The following SLC5A10 variants were observed in gnomAD, a reference collection of about 807,000 sequenced individuals.
SLC5A10 encodes solute carrier family 5 member 10, also known as sodium/mannose cotransporter SLC5A10.
In SLC5A10, 55 loss-of-function variants were observed where a neutral mutation model predicts 68.9. The observed-to-expected ratio is 0.80, with a 90% CI of 0.64 to 1.00. SLC5A10 has a LOEUF of 1.00. Among genes scored for constraint, SLC5A10 ranks in the 50% least tolerant of loss-of-function variants. The pLI, the probability that SLC5A10 is intolerant of heterozygous loss-of-function variation, is 0.00. For missense variants in SLC5A10, 732 were observed against 819.3 expected (o/e 0.89, Z 1.30); for synonymous variants, 344 against 344.8 (o/e 1.00, Z 0.02).
Position 18,971,462 on chromosome 17 carries a change from A to C in SLC5A10, c.846+244A>C. 1 of 1,613,880 alleles carries C rather than the reference A, an allele frequency of 6.2e-7. No individual in the cohort carries two copies. The highest frequency in any genetic ancestry group is 8.5e-7 in the Non-Finnish European group (1 of 1,179,988). ...GGCCTTTAGGTGCTTCGACTGAGAC[A>C]GTTTGGAGTATGGGATTCCGAAGGG... On this transcript the variant is annotated intron_variant, in intron 8 of 14. Transcript: ENST00000395645. The surrounding 1 kb of genome is among the most constrained non-coding windows in gnomAD (Gnocchi z 5.5).
Position 18,952,276 on chromosome 17 carries a change from T to C in SLC5A10, c.71T>C (p.Ile24Thr), listed in dbSNP as rs1294218721. ...TQLSVADIIV[I>T]TVYFALNVAV... is the part of the protein sequence containing the mutation. ...CTGAGCGTGGCTGACATCATCGTCA[T>C]CACTGTGTATTTTGCTCTGAATGTG... The change falls in exon 1 of 15, where the codon ATC becomes ACC. Residue 24 changes from isoleucine (I) to threonine (T), a missense_variant. Ile to Thr is a moderately conservative substitution (Grantham distance 89, BLOSUM62 -1). Coordinates refer to ENST00000395645, the MANE Select transcript of SLC5A10 (RefSeq NM_001042450.4). 40 of 1,613,846 alleles carry C rather than the reference T, an allele frequency of 2.5e-5. No homozygotes were observed. Among genetic ancestry groups the C allele is most frequent in the Non-Finnish European group, 3.1e-5 (37 of 1,179,958 alleles).
chr17:18,987,237 G>C (rs534702360), intron 9 of SLC5A10, among the ~76,000 whole-genome samples: 14 of 152,200 alleles, frequency 9.2e-5, no homozygotes, highest in Non-Finnish European at 1.8e-4. Context: ...TCTGGAGCAG[G>C]CCTCTACCCC....
chr17:18,952,089 A>G, upstream of SLC5A10: 4 of 1,462,704 alleles, frequency 2.7e-6, no homozygotes, highest in Non-Finnish European at 3.6e-6. Flanking sequence ...CATGGGCTGG[A>G]GATGCCACTG....
At chr17:18,954,799 G>T (rs1199948048) in intron 1 of SLC5A10, among the ~76,000 whole-genome samples, 1 of 152,202 alleles carries the variant, frequency 6.6e-6, no homozygotes, top group South Asian at 2.1e-4. Context: ...TAGGCCGGGC[G>T]CAGTGGCTCA....
intron 9 of SLC5A10, among the ~76,000 whole-genome samples, chr17:18,982,472 G>A (rs2043163011): frequency 6.6e-6 from 1 of 152,248 alleles, no homozygotes; most frequent in Non-Finnish European, 1.5e-5. Flanking sequence ...GACAGCAGAT[G>A]GGTGGAGGGA....
intron 9 of SLC5A10, among the ~76,000 whole-genome samples, chr17:18,994,340 G>A (rs545155462): frequency 9.9e-5 from 15 of 152,260 alleles, no homozygotes; most frequent in Non-Finnish European, 2.1e-4. Flanking sequence ...AGGGAGGGGC[G>A]CCCCCGTGGA....
rs779131463 is a variant in SLC5A10 at position 19,017,365 on chromosome 17, T to A, written c.1242-2058T>A. On this transcript the variant is annotated intron_variant, in intron 11 of 14. Transcript: ENST00000395645. The surrounding 1 kb of genome is among the most constrained non-coding windows in gnomAD (Gnocchi z 5.6). ...CCGAAACACCACCATTGGAGCGGTA[T>A]CTCCTAGGCCTCGTGGTCATGGATC... 1.2e-5 allele frequency: 19 copies of A among 1,551,732 alleles called. No individual in the cohort carries two copies. The highest frequency in any genetic ancestry group is 1.5e-5 in the Non-Finnish European group (17 of 1,147,004).
chr17:18,995,415 G>C (rs565294147), intron 9 of SLC5A10, among the ~76,000 whole-genome samples: 129 of 152,292 alleles, frequency 8.5e-4, no homozygotes, highest in African/African-American at 3.1e-3. Flanking sequence ...AGACATGTAA[G>C]TAGAAACTGT....
chr17:18,983,851 G>A (rs959676672), intron 9 of SLC5A10, among the ~76,000 whole-genome samples: 1 of 152,204 alleles, frequency 6.6e-6, no homozygotes, highest in African/African-American at 2.4e-5. Context: ...GCCCTGGTCT[G>A]AGGGGCTCCT....
intron 1 of SLC5A10, among the ~76,000 whole-genome samples, chr17:18,955,434 C>A (rs1482081943): frequency 6.6e-6 from 1 of 152,216 alleles, no homozygotes; most frequent in Non-Finnish European, 1.5e-5. Context: ...CCACACAGAT[C>A]AAGAAGTTGA....
At chr17:18,988,517 G>A (rs1221051132) in intron 9 of SLC5A10, 8 of 1,546,972 alleles carry the variant, frequency 5.2e-6, no homozygotes, top group East Asian at 2.3e-5. Context: ...GCCTCTCACA[G>A]GTGCCCACTC....
chr17:18,986,942 G>A (rs1419103609), intron 9 of SLC5A10, among the ~76,000 whole-genome samples: 1 of 152,220 alleles, frequency 6.6e-6, no homozygotes, highest in African/African-American at 2.4e-5. Flanking sequence ...ATTACGCGGC[G>A]GGGAGTGAGG....
intron 9 of SLC5A10, among the ~76,000 whole-genome samples, chr17:18,986,944 G>A (rs2043285682): frequency 6.6e-6 from 1 of 152,214 alleles, no homozygotes; most frequent in African/African-American, 2.4e-5. Flanking sequence ...TACGCGGCGG[G>A]GAGTGAGGTG....
chr17:19,020,531 A>T lies in SLC5A10; in HGVS notation c.*100A>T. On this transcript the variant is annotated 3_prime_UTR_variant, in exon 15 of 15. Transcript: ENST00000395645. ...GCCCCAAGAGGGGCAGATTCCCCTCACAGCTGCACAGCAGCTCGGTGCCCA... is the reference window on the plus strand; with the variant it reads ...GCCCCAAGAGGGGCAGATTCCCCTCTCAGCTGCACAGCAGCTCGGTGCCCA... 9.0e-7 allele frequency: 1 copy of T among 1,107,212 alleles called. No individual in the cohort carries two copies. The highest frequency in any genetic ancestry group is 1.3e-6 in the Non-Finnish European group (1 of 765,140). The allele number at this position is 1,107,212 out of a possible 1,614,324, so 68.6% of individuals were successfully genotyped here.
At chr17:18,966,852 G>C (rs147520490) in intron 5 of SLC5A10, among the ~76,000 whole-genome samples, 2 of 151,860 alleles carry the variant, frequency 1.3e-5, no homozygotes, top group African/African-American at 4.8e-5. Context: ...GGAGCATCCC[G>C]TGCCAGGGTG....
intron 9 of SLC5A10, among the ~76,000 whole-genome samples, chr17:19,011,499 G>A (rs1175579299): frequency 6.6e-6 from 1 of 152,118 alleles, no homozygotes; most frequent in African/African-American, 2.4e-5. Flanking sequence ...TTTCCCCCAG[G>A]ATGCCATGGG....
chr17:18,975,528 A>G (rs1316331799), intron 8 of SLC5A10, among the ~76,000 whole-genome samples: 1 of 152,030 alleles, frequency 6.6e-6, no homozygotes, highest in East Asian at 1.9e-4. Context: ...CATCTCTACT[A>G]AAAATACAAA....
chr17:18,988,588 T>A (rs73981271), intron 9 of SLC5A10, among the ~76,000 whole-genome samples: 15 of 152,354 alleles, frequency 9.8e-5, no homozygotes, highest in African/African-American at 3.6e-4. Context: ...GGGCCTCTCT[T>A]GCCCTGAAGT....
At chr17:19,020,102 C>CCG in intron 13 of SLC5A10, 53 bp from the exon 14 acceptor site, 4 of 1,098,452 alleles carry the variant, frequency 3.6e-6, no homozygotes, top group Non-Finnish European at 5.5e-6. Flanking sequence ...GTCTGGGTCA[C>CCG]CCCCACCCTG....
Sources: allele counts gnomAD v4.1 joint callset (sites outside exome capture counted in the v4.1 genomes callset), GRCh38; gene constraint gnomAD v4.1.1; non-coding constraint Gnocchi (gnomAD v3.1); transcripts MANE v1.5; gene names NCBI Gene and HGNC (gene_info 2026-07-23, HGNC 2026-07-21).